The following LOC128706665 variants were observed in gnomAD, a reference collection of about 807,000 sequenced individuals.
the LOC128706665 span, among the ~76,000 whole-genome samples, chr20:10,430,967 T>A: frequency 9.9e-5 from 15 of 152,124 alleles, no homozygotes; most frequent in African/African-American, 3.6e-4. Flanking sequence ...AAGTCTAACC[T>A]CCACCACAAA....
At chr20:10,432,952 A>G in the LOC128706665 span, among the ~76,000 whole-genome samples, 21 of 152,190 alleles carry the variant, frequency 1.4e-4, no homozygotes, top group African/African-American at 5.1e-4. Context: ...ATGACAAGAA[A>G]AAAGGTCTGC....
At chr20:10,419,197 C>A in the LOC128706665 span, among the ~76,000 whole-genome samples, 2 of 152,048 alleles carry the variant, frequency 1.3e-5, no homozygotes, top group African/African-American at 4.8e-5. Flanking sequence ...TATAACAAAA[C>A]TTAGAGCATA....
chr20:10,425,155 A>C, the LOC128706665 span, among the ~76,000 whole-genome samples: 1 of 152,218 alleles, frequency 6.6e-6, no homozygotes, highest in Non-Finnish European at 1.5e-5. Context: ...TATAGAAACA[A>C]GGAAAAGAGA....
the LOC128706665 span, chr20:10,420,527 C>T: frequency 6.6e-6 from 1 of 152,126 alleles, no homozygotes; most frequent in South Asian, 2.1e-4. Flanking sequence ...ATGGAACTTA[C>T]CTGAAGATTG....
chr20:10,427,026 A>T, the LOC128706665 span, among the ~76,000 whole-genome samples: 1 of 135,584 alleles, frequency 7.4e-6, no homozygotes, highest in Non-Finnish European at 1.6e-5. Flanking sequence ...AAAAGAAAAC[A>T]CTGACACACA....
chr20:10,414,634 T>C, the LOC128706665 span, among the ~76,000 whole-genome samples: 1 of 152,214 alleles, frequency 6.6e-6, no homozygotes, highest in Admixed American at 6.5e-5. Flanking sequence ...ATTATGTTTT[T>C]ATCTATAATT....
chr20:10,415,404 A>G, the LOC128706665 span, among the ~76,000 whole-genome samples: 3 of 152,216 alleles, frequency 2.0e-5, no homozygotes, highest in Non-Finnish European at 2.9e-5. Context: ...AATGTTATGC[A>G]AATGTTATTT....
chr20:10,413,975 G>A, the LOC128706665 span: 1 of 401,570 alleles, frequency 2.5e-6, no homozygotes, highest in Non-Finnish European at 4.4e-6. Flanking sequence ...TACTTCCCAA[G>A]CAGTTTGTAG....
At chr20:10,426,676 G>A in the LOC128706665 span, among the ~76,000 whole-genome samples, 4 of 152,358 alleles carry the variant, frequency 2.6e-5, no homozygotes, top group Non-Finnish European at 5.9e-5. Flanking sequence ...GGGATTACAG[G>A]CATGAGCCAT....
the LOC128706665 span, among the ~76,000 whole-genome samples, chr20:10,430,318 A>T: frequency 2.0e-5 from 3 of 152,188 alleles, no homozygotes; most frequent in Non-Finnish European, 4.4e-5. Flanking sequence ...GTGGCCTTGG[A>T]TTAGTCACTT....
At chr20:10,415,221 CGTTA>C in the LOC128706665 span, among the ~76,000 whole-genome samples, 1 of 152,024 alleles carries the variant, frequency 6.6e-6, no homozygotes, top group Admixed American at 6.6e-5. Context: ...GTATATTATT[CGTTA>C]GTATTTCCAG....
chr20:10,423,834 T>C, the LOC128706665 span, among the ~76,000 whole-genome samples: 1 of 152,354 alleles, frequency 6.6e-6, no homozygotes, highest in African/African-American at 2.4e-5. Context: ...AACTGAAAAC[T>C]CTATTTGCTA....
the LOC128706665 span, among the ~76,000 whole-genome samples, chr20:10,426,794 G>A: frequency 8.7e-4 from 133 of 152,250 alleles, no homozygotes; most frequent in Admixed American, 2.0e-3. Flanking sequence ...AGTTCTGGAG[G>A]TAAGAAAAAC....
At chr20:10,414,265 CTTTT>C in the LOC128706665 span, among the ~76,000 whole-genome samples, 3 of 132,350 alleles carry the variant, frequency 2.3e-5, no homozygotes, top group Non-Finnish European at 3.2e-5. Context: ...GTCTCTGAGT[CTTTT>C]TTTTTTTTTT....
the LOC128706665 span, among the ~76,000 whole-genome samples, chr20:10,417,367 T>C: frequency 6.6e-6 from 1 of 152,182 alleles, no homozygotes; most frequent in Admixed American, 6.6e-5. Context: ...TCCCATCACT[T>C]TGGGAGGCCA....
the LOC128706665 span, among the ~76,000 whole-genome samples, chr20:10,417,585 G>T: frequency 6.6e-6 from 1 of 151,912 alleles, no homozygotes; most frequent in Non-Finnish European, 1.5e-5. Context: ...ACTGTAGCCT[G>T]GGTGACAAAT....
At chr20:10,433,028 A>G in the LOC128706665 span, among the ~76,000 whole-genome samples, 59 of 152,194 alleles carry the variant, frequency 3.9e-4, no homozygotes, top group African/African-American at 1.4e-3. Flanking sequence ...TATTTTCTTA[A>G]ATAGAGTCTC....
chr20:10,424,409 A>G, the LOC128706665 span, among the ~76,000 whole-genome samples: 1 of 152,058 alleles, frequency 6.6e-6, no homozygotes, highest in African/African-American at 2.4e-5. Context: ...GAAAAAACAT[A>G]TATTTTTAAA....
the LOC128706665 span, among the ~76,000 whole-genome samples, chr20:10,418,695 C>T: frequency 3.2e-4 from 48 of 152,074 alleles, no homozygotes; most frequent in Non-Finnish European, 6.0e-4. Flanking sequence ...TTTCTTTTTG[C>T]ATGAGAAGAA....
Sources: gnomAD v4.1 joint callset for allele counts (sites outside exome capture counted in the v4.1 genomes callset) on GRCh38, gnomAD v4.1.1 for gene constraint, MANE v1.5 for transcripts.